The following TMEM117 variants were observed in gnomAD, a reference collection of about 807,000 sequenced individuals.
TMEM117 encodes the protein transmembrane protein 117.
Under a neutral mutation model 52.4 loss-of-function variants are expected in TMEM117, and 27 were observed. That is an observed-to-expected ratio of 0.51 (90% CI 0.38 to 0.71). The LOEUF (loss-of-function observed/expected upper bound fraction) is 0.71, where lower values mean the gene tolerates loss of function less well. Ranked by LOEUF, TMEM117 falls within the 30% of genes least tolerant of loss-of-function variation. TMEM117 has a pLI of 0.00. For missense variants in TMEM117, 556 were observed against 630.5 expected, an observed-to-expected ratio of 0.88 and a Z score of 1.26; for synonymous variants, 215 against 206.3, an observed-to-expected ratio of 1.04 and a Z score of -0.36.
chr12:43,945,452 C>T (rs1310693903), intron 3 of TMEM117, among the ~76,000 whole-genome samples: 1 of 145,734 alleles, frequency 6.9e-6, no homozygotes, highest in Non-Finnish European at 1.5e-5. Flanking sequence ...TCCCTAGTAG[C>T]TGAGATTATA....
chr12:43,853,496 G>T (rs1237589347), intron 2 of TMEM117, among the ~76,000 whole-genome samples: 1 of 152,164 alleles, frequency 6.6e-6, no homozygotes, highest in African/African-American at 2.4e-5. Flanking sequence ...GGATGGTCTC[G>T]ATCTCCTGAC....
upstream of TMEM117, among the ~76,000 whole-genome samples, chr12:43,831,413 T>G (rs1021716851): frequency 3.3e-5 from 5 of 152,154 alleles, no homozygotes; most frequent in Admixed American, 3.3e-4. Flanking sequence ...CTCTCACCAA[T>G]TTTTGAAATG....
intron 5 of TMEM117, among the ~76,000 whole-genome samples, chr12:44,253,344 A>G (rs1405892011): frequency 6.6e-6 from 1 of 152,192 alleles, no homozygotes; most frequent in East Asian, 1.9e-4. Flanking sequence ...GATGTTCAGG[A>G]TGATGAACTT....
downstream of TMEM117, among the ~76,000 whole-genome samples, chr12:44,392,281 G>A (rs901844814): frequency 2.6e-5 from 4 of 152,156 alleles, no homozygotes; most frequent in Non-Finnish European, 5.9e-5. Context: ...AGATGGTGGA[G>A]AACAAGTGGA....
At chr12:44,397,162 CAA>C in the TMEM117 span, among the ~76,000 whole-genome samples, 2 of 152,148 alleles carry the variant, frequency 1.3e-5, no homozygotes, top group African/African-American at 2.4e-5. Flanking sequence ...AGAGTTAAAA[CAA>C]AGAGCAGCCA....
intron 2 of TMEM117, among the ~76,000 whole-genome samples, chr12:43,937,458 G>A (rs972718046): frequency 7.9e-5 from 12 of 152,300 alleles, no homozygotes; most frequent in Non-Finnish European, 1.3e-4. Flanking sequence ...AACTGTAGCT[G>A]TACATCAGAG....
At chr12:43,907,678 C>T (rs1233236550) in intron 2 of TMEM117, among the ~76,000 whole-genome samples, 1 of 151,540 alleles carries the variant, frequency 6.6e-6, no homozygotes, top group Non-Finnish European at 1.5e-5. Flanking sequence ...AAAACCAAGG[C>T]TCGAGAACTA....
intron 5 of TMEM117, among the ~76,000 whole-genome samples, chr12:44,242,783 A>G (rs1283409816): frequency 6.7e-6 from 1 of 150,356 alleles, no homozygotes; most frequent in African/African-American, 2.4e-5. Context: ...TATTATATAT[A>G]TGGGATTGCT....
chr12:44,169,872 G>A (rs967759714), intron 4 of TMEM117, among the ~76,000 whole-genome samples: 49 of 152,124 alleles, frequency 3.2e-4, no homozygotes, highest in Non-Finnish European at 6.0e-4. Flanking sequence ...CAACCATTGT[G>A]GAAGACAGCG....
intron 3 of TMEM117, among the ~76,000 whole-genome samples, chr12:44,135,850 G>A (rs887389615): frequency 6.6e-6 from 1 of 152,032 alleles, no homozygotes; most frequent in Non-Finnish European, 1.5e-5. Context: ...TTGATCATTT[G>A]CAACCATGAA....
intron 3 of TMEM117, among the ~76,000 whole-genome samples, chr12:43,987,596 G>T (rs10748388): frequency 0.88 from 132,458 of 151,326 alleles, 59,264 homozygotes; most frequent in Non-Finnish European, 0.96. Flanking sequence ...TGAGTCAGTT[G>T]AAAACATATT....
At chr12:44,151,606 A>G (rs1373437022) in intron 4 of TMEM117, among the ~76,000 whole-genome samples, 1 of 148,266 alleles carries the variant, frequency 6.7e-6, no homozygotes, top group African/African-American at 2.5e-5. Flanking sequence ...AGAACTTTGA[A>G]TAAAGCCCAG....
chr12:44,107,845 T>C (rs1172704179), intron 3 of TMEM117, among the ~76,000 whole-genome samples: 1 of 152,182 alleles, frequency 6.6e-6, no homozygotes, highest in Non-Finnish European at 1.5e-5. Flanking sequence ...TTTGTTTTCA[T>C]ATTCTGGAAA....
chr12:44,080,022 A>T (rs1361095494), intron 3 of TMEM117, among the ~76,000 whole-genome samples: 1 of 151,616 alleles, frequency 6.6e-6, no homozygotes, highest in Non-Finnish European at 1.5e-5. Context: ...TCTCAAAAAA[A>T]AAAAAAAAAA....
intron 2 of TMEM117, among the ~76,000 whole-genome samples, chr12:43,850,080 G>A (rs1388912079): frequency 1.3e-5 from 2 of 152,180 alleles, no homozygotes; most frequent in African/African-American, 4.8e-5. Flanking sequence ...AGAGGCTGAA[G>A]AAAGAGGCTG....
rs1259685237 is a variant in TMEM117 at position 44,195,786 on chromosome 12, G to A, written c.511-15504G>A. ...AGAATAAATTAGGCTGGATATGGTA[G>A]CTCATGCCTGTAATCTCAACTACCA... On this transcript the variant is annotated intron_variant, in intron 4 of 7. Coordinates refer to ENST00000266534, the MANE Select transcript of TMEM117 (RefSeq NM_032256.3). Among the ~76,000 whole-genome samples, 4 of 151,968 alleles carry A rather than the reference G, an allele frequency of 2.6e-5. No individual in the cohort carries two copies. The East Asian group carries it at 7.7e-4, about 29-fold the overall frequency.
At chr12:44,148,527 T>G (rs1328394706) in intron 4 of TMEM117, among the ~76,000 whole-genome samples, 3 of 152,240 alleles carry the variant, frequency 2.0e-5, no homozygotes, top group Non-Finnish European at 4.4e-5. Context: ...GTATAAGTAC[T>G]GCAATATCTG....
At chr12:43,805,678 C>A in the TMEM117 span, 50 of 761,284 alleles carry the variant, frequency 6.6e-5, no homozygotes, top group Non-Finnish European at 3.2e-5. Context: ...CTCGAGATTT[C>A]TCAGAACATA....
At chr12:44,078,773 A>G (rs1057391737) in intron 3 of TMEM117, among the ~76,000 whole-genome samples, 3 of 152,088 alleles carry the variant, frequency 2.0e-5, no homozygotes, top group Non-Finnish European at 2.9e-5. Context: ...GGTTTGTTAT[A>G]TAGGTATACA....
Sources: allele counts gnomAD v4.1 joint callset (sites outside exome capture counted in the v4.1 genomes callset), GRCh38; gene constraint gnomAD v4.1.1; transcripts MANE v1.5; gene names NCBI Gene and HGNC (gene_info 2026-07-23, HGNC 2026-07-21).